PAPOLG: variants seen among roughly 807,000 people sequenced by gnomAD.
The protein encoded by PAPOLG is poly(A) polymerase gamma.
A neutral mutation model predicts 99.0 loss-of-function variants in PAPOLG; 40 were observed. The observed-to-expected ratio is 0.40, with a 90% CI of 0.31 to 0.53. The LOEUF (loss-of-function observed/expected upper bound fraction) is 0.53. Ranked by LOEUF, PAPOLG falls within the 20% of genes least tolerant of loss-of-function variation. The pLI is 0.41. For synonymous variants in PAPOLG, 310 were observed against 299.3 expected (o/e 1.04, Z -0.37); for missense variants, 675 against 884.1 (o/e 0.76, Z 3.00).
rs1294879185 is a variant in PAPOLG at position 60,792,236 on chromosome 2, T to A, written c.1626T>A (p.Pro542=). Reference sequence around the variant, plus strand: ...CCAGAGACACTGATAATGGAACACCTTTTAATTCTCCAGCGTCCAAGTCTG... The same window carrying A: ...CCAGAGACACTGATAATGGAACACCATTTAATTCTCCAGCGTCCAAGTCTG... ...DSSRDTDNGT[P]FNSPASKSDS... Residue 542 remains proline (P), a synonymous_variant, in exon 17 of 22, where the codon CCT becomes CCA. Transcript: ENST00000238714. 2 of 1,609,946 alleles carry A rather than the reference T, an allele frequency of 1.2e-6. No homozygotes were observed. The highest frequency in any genetic ancestry group is 1.7e-6 in the Non-Finnish European group (2 of 1,179,180).
At position 60,792,053 on chromosome 2, in the gene PAPOLG, G is replaced by C. The variant is rs111730908; in HGVS notation, c.1519-76G>C. 4,696 of 1,496,402 alleles carry C rather than the reference G, an allele frequency of 3.1e-3. 113 individuals are homozygous for C. In the African/African-American group the frequency reaches 0.056, roughly 18 times the overall value. The allele number at this position is 1,496,402 out of a possible 1,614,324, so 92.7% of individuals were successfully genotyped here. ...TAATCACAAGAGATAATTTGCTTAA[G>C]TGACCTTCAGAATTGAAACCAGTCT... is the stretch of plus-strand genomic sequence containing the variant. On this transcript the variant is annotated intron_variant, in intron 16 of 21. Transcript: ENST00000238714.
chr2:60,772,048 T>C (rs970433980), intron 7 of PAPOLG, among the ~76,000 whole-genome samples: 7 of 152,036 alleles, frequency 4.6e-5, no homozygotes, highest in Non-Finnish European at 1.5e-5. Flanking sequence ...TTTTTTTTTT[T>C]AACATTTTGC....
At chr2:60,795,488 AAAT>A (rs1467869255) in intron 21 of PAPOLG, among the ~76,000 whole-genome samples, 2 of 152,164 alleles carry the variant, frequency 1.3e-5, no homozygotes, top group African/African-American at 4.8e-5. Context: ...ATTGTAATTT[AAAT>A]GTTTATTATT....
chr2:60,770,560 G>C (rs760465763), intron 6 of PAPOLG, 49 bp downstream of exon 6: 5 of 1,230,078 alleles, frequency 4.1e-6, no homozygotes, highest in African/African-American at 1.5e-5. Context: ...GTTTAAACTT[G>C]TAAGTTTGTT....
chr2:60,758,770 G>A (rs1376770630), intron 1 of PAPOLG, among the ~76,000 whole-genome samples: 1 of 152,072 alleles, frequency 6.6e-6, no homozygotes, highest in African/African-American at 2.4e-5. Flanking sequence ...CTTACTCTGT[G>A]TACTTAGTAG....
Position 60,781,925 on chromosome 2 carries a change from C to T in PAPOLG, c.947C>T (p.Thr316Ile), listed in dbSNP as rs777861312. 6.2e-7 allele frequency: 1 copy of T among 1,613,740 alleles called. No individual in the cohort carries two copies. Among genetic ancestry groups the T allele is most frequent in the Non-Finnish European group, 8.5e-7 (1 of 1,179,682 alleles). The change falls in exon 11 of 22, where the codon ACC (threonine) becomes ATC (isoleucine). Residue 316 changes from threonine (T) to isoleucine (I), a missense_variant. Thr to Ile is a moderately conservative substitution (Grantham distance 89). Around this residue, in one of 3 missense-constraint regions of PAPOLG, gnomAD observed 113 missense variants for 231.5 expected, o/e 0.49. Coordinates refer to ENST00000238714, the MANE Select transcript of PAPOLG (RefSeq NM_022894.4). ...SDRYHLMPII[T>I]PAYPQQNSTY... ...AGGTATCATCTCATGCCCATAATCA[C>T]CCCTGCCTACCCACAACAGAATTCT...
intron 5 of PAPOLG, 43 bp from the exon 6 acceptor site, chr2:60,770,415 A>G: frequency 6.6e-7 from 1 of 1,512,740 alleles, no homozygotes; most frequent in Non-Finnish European, 8.9e-7. Flanking sequence ...AGGATAAAGA[A>G]GGGATTACAC....
Position 60,794,792 on chromosome 2 carries a change from T to C in PAPOLG, c.2055+17T>C. The C allele has an allele frequency of 1.3e-6, 2 of 1,578,972 alleles. No homozygotes were observed. The highest frequency in any genetic ancestry group is 1.1e-5 in the South Asian group (1 of 90,108). On this transcript the variant is annotated intron_variant, in intron 20 of 21. Transcript: ENST00000238714. ...AAATCAGTGGTAAATATATTAATAGTGTGCTTCAGAATATTTATTGTAAAG... is the reference window on the plus strand; with the variant it reads ...AAATCAGTGGTAAATATATTAATAGCGTGCTTCAGAATATTTATTGTAAAG...
chr2:60,769,280 G>A (rs1198071812), intron 5 of PAPOLG, among the ~76,000 whole-genome samples: 1 of 152,190 alleles, frequency 6.6e-6, no homozygotes, highest in Non-Finnish European at 1.5e-5. Context: ...GTGCTATTAT[G>A]TGTAAGGTTC....
chr2:60,765,411 TAAAAA>T (rs1215377157), intron 3 of PAPOLG, among the ~76,000 whole-genome samples: 1 of 146,552 alleles, frequency 6.8e-6, no homozygotes, highest in African/African-American at 2.5e-5. Context: ...TTTTTGATTT[TAAAAA>T]AAAAAGTGAC....
At chr2:60,770,395 GTAGT>G (rs1670815843) in intron 5 of PAPOLG, 59 bp from the exon 6 acceptor site, 1 of 1,345,724 alleles carries the variant, frequency 7.4e-7, no homozygotes, top group Non-Finnish European at 1.0e-6. Context: ...CACATTATTG[GTAGT>G]TAGGAAGGAT....
At position 60,797,055 on chromosome 2, in the gene PAPOLG, C is replaced by T. The variant is rs751490839; in HGVS notation, c.2113-7C>T. 1 of 1,611,714 alleles carries T rather than the reference C, an allele frequency of 6.2e-7. No homozygotes were observed. Among genetic ancestry groups the T allele is most frequent in the Non-Finnish European group, 8.5e-7 (1 of 1,177,946 alleles). Reference sequence around the variant, plus strand: ...TTCCTTTTTTGTTTCCTCTTTCTTTCTAATAGAGACTACCCAGTAAAGAAC... The same window carrying T: ...TTCCTTTTTTGTTTCCTCTTTCTTTTTAATAGAGACTACCCAGTAAAGAAC... On this transcript the variant is annotated splice_polypyrimidine_tract_variant and splice_region_variant and intron_variant, in intron 21 of 21. Coordinates refer to ENST00000238714, the MANE Select transcript of PAPOLG (RefSeq NM_022894.4).
chr2:60,781,065 T>C (rs941073521), intron 10 of PAPOLG, among the ~76,000 whole-genome samples: 1 of 152,144 alleles, frequency 6.6e-6, no homozygotes, highest in Admixed American at 6.6e-5. Context: ...CAAAAGTAAT[T>C]GGATACTTGG....
intron 11 of PAPOLG, 122 bp from the exon 12 acceptor site, chr2:60,782,564 G>A (rs374867559): frequency 1.4e-5 from 17 of 1,223,480 alleles, no homozygotes; most frequent in South Asian, 1.9e-5. Flanking sequence ...CTCAAAAAAA[G>A]AAAAAAAAAA....
At chr2:60,786,849 TG>T in intron 13 of PAPOLG, 97 bp from the exon 14 acceptor site, 1 of 1,440,296 alleles carries the variant, frequency 6.9e-7, no homozygotes, top group Non-Finnish European at 9.3e-7. Context: ...TTAATGAACA[TG>T]TAAAGCTTCG....
chr2:60,789,174 T>G (rs1490738168), intron 15 of PAPOLG, among the ~76,000 whole-genome samples: 1 of 151,674 alleles, frequency 6.6e-6, no homozygotes, highest in Non-Finnish European at 1.5e-5. Context: ...CTGGGGACTG[T>G]TGTGGGGTGG....
At chr2:60,772,680 G>A (rs1161665750) in intron 7 of PAPOLG, among the ~76,000 whole-genome samples, 13 of 152,110 alleles carry the variant, frequency 8.5e-5, no homozygotes, top group South Asian at 2.1e-4. Context: ...CCCAGAAGGC[G>A]GAGGTTGTGG....
chr2:60,783,072 G>T, intron 12 of PAPOLG, 84 bp from the exon 13 acceptor site: 1 of 1,240,250 alleles, frequency 8.1e-7, no homozygotes. Flanking sequence ...TCAGTGAGAG[G>T]GAGGGAAAAA....
intron 16 of PAPOLG, 66 bp from the exon 17 acceptor site, chr2:60,792,063 G>C (rs1372536524): frequency 6.6e-7 from 1 of 1,515,184 alleles, no homozygotes; most frequent in Non-Finnish European, 8.9e-7. Flanking sequence ...GTGACCTTCA[G>C]AATTGAAACC....
Sources: gnomAD v4.1 joint callset for allele counts (sites outside exome capture counted in the v4.1 genomes callset) on GRCh38, gnomAD v4.1.1 for gene constraint, gnomAD v4.1.1 regional missense constraint, MANE v1.5 for transcripts, NCBI Gene and HGNC (gene_info 2026-07-23, HGNC 2026-07-21) for gene names.